The following ACAN variants were observed in gnomAD, a reference collection of about 807,000 sequenced individuals.
The protein encoded by ACAN is aggrecan, also known as aggrecan core protein.
In ACAN, 47 loss-of-function variants were observed where a neutral mutation model predicts 169.1. The ratio of observed to expected loss-of-function variants is 0.28; its 90% CI spans 0.22 to 0.35. The LOEUF (loss-of-function observed/expected upper bound fraction) is 0.35, where lower values mean the gene tolerates loss of function less well. Ranked by LOEUF, ACAN falls within the 10% of genes least tolerant of loss-of-function variation. The pLI, the probability that ACAN is intolerant of heterozygous loss-of-function variation, is 1.00. For synonymous variants in ACAN, 1,115 were observed against 1,112.2 expected (o/e 1.00, Z -0.05); for missense variants, 2,716 against 2,759.9 (o/e 0.98, Z 0.36).
At chr15:88,830,541 C>G (rs1896333030) in intron 1 of ACAN, among the ~76,000 whole-genome samples, 1 of 151,644 alleles carries the variant, frequency 6.6e-6, no homozygotes, top group Non-Finnish European at 1.5e-5. Context: ...TTTACTGTAC[C>G]TTTTGTATGT....
At position 88,858,945 on chromosome 15, in the gene ACAN, C is replaced by G. The variant is rs34153007; in HGVS notation, c.6360C>G (p.Ser2120Arg). The G allele has an allele frequency of 4.5e-3, 7,321 of 1,611,740 alleles. 241 individuals carry two copies. In the African/African-American group the frequency reaches 0.077, roughly 17 times the overall value. ...GGGCATCTGCCGCCCCTGAGGCCAG[C>G]AGAGAAGATTCTGGGTCCCCTGATC... ...GFGASAAPEA[S>R]REDSGSPDLS... is the part of the protein sequence containing the mutation. Residue 2120 changes from serine to arginine, a missense_variant, in exon 12 of 19, where the codon AGC becomes AGG. Coordinates refer to ENST00000560601, the MANE Select transcript of ACAN (RefSeq NM_001369268.1). This position sits in a 1 kb window ranked among gnomAD's most constrained non-coding sequence, Gnocchi z 4.0.
At chr15:88,842,455 T>C (rs1196470141) in intron 5 of ACAN, among the ~76,000 whole-genome samples, 5 of 152,016 alleles carry the variant, frequency 3.3e-5, no homozygotes, top group African/African-American at 9.7e-5. Flanking sequence ...TCTGCACCCA[T>C]ATATTCCTTT....
At chr15:88,860,195 T>A in intron 12 of ACAN, 131 bp from the exon 13 acceptor site, 4 of 488,140 alleles carry the variant, frequency 8.2e-6, no homozygotes, top group Non-Finnish European at 1.4e-5. Flanking sequence ...GACAGAGGCC[T>A]CAGAAAAGTG....
chr15:88,874,095 C>G lies in ACAN; in HGVS notation c.7630+71C>G, dbSNP rs759872156. On this transcript the variant is annotated intron_variant, in intron 18 of 18. Coordinates refer to ENST00000560601, the MANE Select transcript of ACAN (RefSeq NM_001369268.1). The surrounding 1 kb of genome is among the most constrained non-coding windows in gnomAD (Gnocchi z 7.3). ...GCCAGCACAGCCTTCCCCCCGTCCC[C>G]TCTCCTGGGGACCCTACACCGTCCA... 1.9e-6 allele frequency: 3 copies of G among 1,573,698 alleles called. No individual in the cohort carries two copies. The highest frequency in any genetic ancestry group is 2.6e-6 in the Non-Finnish European group (3 of 1,163,540).
chr15:88,816,729 G>A (rs1368698484), intron 1 of ACAN, among the ~76,000 whole-genome samples: 6 of 152,148 alleles, frequency 3.9e-5, no homozygotes, highest in Non-Finnish European at 8.8e-5. Context: ...AGAAAAAGAA[G>A]CAAAGAGGCC....
chr15:88,806,846 C>A (rs759739439), intron 1 of ACAN, among the ~76,000 whole-genome samples: 3 of 152,012 alleles, frequency 2.0e-5, no homozygotes, highest in African/African-American at 4.8e-5. Context: ...ATCAATTTAG[C>A]GGGGTTCTTA....
chr15:88,823,816 T>C (rs1896138160), intron 1 of ACAN, among the ~76,000 whole-genome samples: 1 of 152,220 alleles, frequency 6.6e-6, no homozygotes, highest in Non-Finnish European at 1.5e-5. Flanking sequence ...TACTCCCTGC[T>C]TGGTGGCCCA....
At chr15:88,817,902 T>G (rs1038199370) in intron 1 of ACAN, among the ~76,000 whole-genome samples, 13 of 114,372 alleles carry the variant, frequency 1.1e-4, no homozygotes, top group Non-Finnish European at 2.1e-4. Flanking sequence ...AAAGAAAAAA[T>G]AAAAATATAC....
At chr15:88,859,624 G>C (rs1233705944) in intron 12 of ACAN, among the ~76,000 whole-genome samples, 1 of 152,186 alleles carries the variant, frequency 6.6e-6, no homozygotes, top group Non-Finnish European at 1.5e-5. Context: ...AGATTAGGCA[G>C]AACATAAACA....
At chr15:88,827,801 C>A (rs1896262302) in intron 1 of ACAN, among the ~76,000 whole-genome samples, 1 of 152,164 alleles carries the variant, frequency 6.6e-6, no homozygotes, top group Non-Finnish European at 1.5e-5. Flanking sequence ...TTTGATAGAT[C>A]CTATCTAATC....
chr15:88,842,826 C>A (rs1196951553), intron 5 of ACAN, among the ~76,000 whole-genome samples: 1 of 152,102 alleles, frequency 6.6e-6, no homozygotes. Flanking sequence ...CCTGACACAA[C>A]CTTGTTAGAT....
chr15:88,858,749 G>A lies in ACAN; in HGVS notation c.6164G>A (p.Gly2055Asp), dbSNP rs1318109289. Reference sequence around the variant, plus strand: ...GAACCAACTATTTCTCAGGAACTAGGCCAAAGGCCCCCTGTGACACACACA... The same window carrying A: ...GAACCAACTATTTCTCAGGAACTAGACCAAAGGCCCCCTGTGACACACACA... ...VTEPTISQEL[G>D]QRPPVTHTPQ... is the part of the protein sequence containing the mutation. The change falls in exon 12 of 19, where the codon GGC becomes GAC. Residue 2055 changes from glycine to aspartate, a missense_variant. Around this residue, in one of 3 missense-constraint regions of ACAN, gnomAD observed 1,389 missense variants for 1,363.7 expected, o/e 1.02. Coordinates refer to ENST00000560601, the MANE Select transcript of ACAN (RefSeq NM_001369268.1). This position sits in a 1 kb window ranked among gnomAD's most constrained non-coding sequence, Gnocchi z 4.0. 1 of 1,613,914 alleles carries A rather than the reference G, an allele frequency of 6.2e-7. No individual in the cohort carries two copies. The highest frequency in any genetic ancestry group is 8.5e-7 in the Non-Finnish European group (1 of 1,179,884).
rs1567195298 is a variant in ACAN, at chr15:88,873,794, TC to T, written c.7448-45del. The T allele has an allele frequency of 1.3e-6, 2 of 1,591,952 alleles. No individual in the cohort carries two copies. Among genetic ancestry groups the T allele is most frequent in the Non-Finnish European group, 1.7e-6 (2 of 1,166,304 alleles). On this transcript the variant is annotated intron_variant, in intron 17 of 18. Transcript: ENST00000560601. This position sits in a 1 kb window ranked among gnomAD's most constrained non-coding sequence, Gnocchi z 7.5. ...CTCGGGTCACAACCAGCATAGGTCA[TC>T]CCAGGAGACCCTATGAGACCCTTTA...
intron 9 of ACAN, among the ~76,000 whole-genome samples, chr15:88,848,555 G>A (rs562803863): frequency 1.8e-3 from 275 of 152,210 alleles, no homozygotes; most frequent in Admixed American, 3.5e-3. Context: ...GGCCAAATCC[G>A]GTCTCTACTT....
rs368010016 is a variant in ACAN at position 88,845,482 on chromosome 15, G to T, written c.1052-23G>T. 233 of 1,577,754 alleles carry T rather than the reference G, an allele frequency of 1.5e-4. 1 individual carries two copies. The East Asian group carries it at 4.6e-3, about 31-fold the overall frequency. ...GCCGGTCCCAGGCTGAGAGGCTAAA[G>T]CTTGTCTTTGCCCCTCCCCTAGGTG... On this transcript the variant is annotated intron_variant, in intron 6 of 18. Transcript: ENST00000560601.
rs747687890 is a variant in ACAN, at chr15:88,857,376, G to A, written c.4791G>A (p.Val1597=). ...SGLPSGKEDL[V]GSASGDLDLG... Reference sequence around the variant, plus strand: ...TGCCTTCTGGAAAAGAAGACTTGGTGGGGTCAGCTTCTGGAGACTTGGACT... The same window carrying A: ...TGCCTTCTGGAAAAGAAGACTTGGTAGGGTCAGCTTCTGGAGACTTGGACT... The change falls in exon 12 of 19, where the codon GTG becomes GTA. Residue 1597 remains valine (V), a synonymous_variant. Transcript: ENST00000560601. 3.1e-6 allele frequency: 5 copies of A among 1,613,962 alleles called. No homozygotes were observed. The highest frequency in any genetic ancestry group is 4.2e-6 in the Non-Finnish European group (5 of 1,179,908).
chr15:88,862,590 G>A (rs1373323271), intron 13 of ACAN, among the ~76,000 whole-genome samples: 1 of 152,190 alleles, frequency 6.6e-6, no homozygotes, highest in African/African-American at 2.4e-5. Flanking sequence ...GGTCACTCTT[G>A]TTCAACTTAG....
In ACAN at chr15:88,868,279, C is replaced by T. The variant is rs1460449832; in HGVS notation, c.7010C>T (p.Ser2337Phe). Residue 2337 changes from serine to phenylalanine, a missense_variant, in exon 14 of 19, where the codon TCT (serine) becomes TTT (phenylalanine). By Grantham distance (155) the Ser-to-Phe change is radical. Around this residue, in one of 3 missense-constraint regions of ACAN, gnomAD observed 1,389 missense variants for 1,363.7 expected, o/e 1.02. Transcript: ENST00000560601. The surrounding 1 kb of genome is among the most constrained non-coding windows in gnomAD (Gnocchi z 5.2). ...GCCACCTGCGTGGATGCCATCGACTCTTTCACATGCTTATGCCTTCCCAGC... is the reference window on the plus strand; with the variant it reads ...GCCACCTGCGTGGATGCCATCGACTTTTTCACATGCTTATGCCTTCCCAGC... ...NGATCVDAID[S>F]FTCLCLPSYE... The T allele has an allele frequency of 2.8e-6, 2 of 702,832 alleles. No homozygotes were observed. The highest frequency in any genetic ancestry group is 3.0e-5 in the South Asian group (2 of 67,588). 43.5% of individuals were successfully genotyped at this position (702,832 alleles called of 1,614,324 possible).
chr15:88,842,402 G>A (rs571412402), intron 5 of ACAN, among the ~76,000 whole-genome samples: 48 of 152,218 alleles, frequency 3.2e-4, no homozygotes, highest in Middle Eastern at 3.4e-3. Context: ...ACCAGTTTTA[G>A]TCACAGAGTT....
Sources: allele counts gnomAD v4.1 joint callset (sites outside exome capture counted in the v4.1 genomes callset), GRCh38; gene constraint gnomAD v4.1.1; regional missense constraint gnomAD v4.1.1; non-coding constraint Gnocchi (gnomAD v3.1); transcripts MANE v1.5; gene names NCBI Gene and HGNC (gene_info 2026-07-23, HGNC 2026-07-21).